Variants in PCDHGB4 observed in about 807,000 individuals in gnomAD.
PCDHGB4 encodes protocadherin gamma subfamily B, 4.
In PCDHGB4, 38 loss-of-function variants were observed where a neutral mutation model predicts 60.5. The observed-to-expected ratio is 0.63, with a 90% CI of 0.48 to 0.82. PCDHGB4 has a LOEUF of 0.82. PCDHGB4 is among the 40% of genes least tolerant of loss of function. The pLI is 0.00. For missense variants in PCDHGB4, 1,109 were observed against 1,209.6 expected, an observed-to-expected ratio of 0.92 and a Z score of 1.23; for synonymous variants, 456 against 509.7, an observed-to-expected ratio of 0.89 and a Z score of 1.42.
chr5:141,457,937 G>A (rs916509260), intron 1 of PCDHGB4, among the ~76,000 whole-genome samples: 1 of 152,166 alleles, frequency 6.6e-6, no homozygotes, highest in African/African-American at 2.4e-5. Flanking sequence ...GGCTTTTATT[G>A]GCTCTGCATG....
intron 1 of PCDHGB4, chr5:141,419,148 C>A: frequency 6.2e-7 from 1 of 1,613,940 alleles, no homozygotes; most frequent in Admixed American, 1.7e-5. Flanking sequence ...AGGGGCAAGC[C>A]TCCGTTATCC....
chr5:141,409,018 G>A (rs369210340), intron 1 of PCDHGB4: 31 of 1,613,814 alleles, frequency 1.9e-5, no homozygotes, highest in Non-Finnish European at 2.5e-5. Context: ...AGGATGAGGG[G>A]GTCAATGCTG....
In PCDHGB4 at chr5:141,485,629, C is replaced by G. The variant is rs1028146827; in HGVS notation, c.2398-9178C>G. The G allele has an allele frequency of 1.2e-6, 2 of 1,611,902 alleles. No individual in the cohort carries two copies. The highest frequency in any genetic ancestry group is 3.3e-5 in the Admixed American group (2 of 59,922). On this transcript the variant is annotated intron_variant, in intron 1 of 3. Coordinates refer to ENST00000519479, the MANE Select transcript of PCDHGB4 (RefSeq NM_003736.4). This position sits in a 1 kb window ranked among gnomAD's most constrained non-coding sequence, Gnocchi z 5.7. ...AGGCAGCTCCTCCAGGACAGCGTTTCCCGTTGGAAAAGGCTCAGGATGCAG... is the reference window on the plus strand; with the variant it reads ...AGGCAGCTCCTCCAGGACAGCGTTTGCCGTTGGAAAAGGCTCAGGATGCAG...
chr5:141,433,849 A>C (rs116534867), intron 1 of PCDHGB4, among the ~76,000 whole-genome samples: 2,948 of 152,020 alleles, frequency 0.019, 43 homozygotes, highest in African/African-American at 0.028. Context: ...AAAAAAAAAA[A>C]AAAAAACTTT....
At chr5:141,428,141 G>A (rs1314061143) in intron 1 of PCDHGB4, 1 of 1,596,618 alleles carries the variant, frequency 6.3e-7, no homozygotes, top group Non-Finnish European at 8.6e-7. Context: ...GCCTGGGGCT[G>A]CACACGGGAA....
rs373424450 is a variant in PCDHGB4, at chr5:141,450,829, AT to A, written c.2398-43965del. 1.1e-3 allele frequency among the ~76,000 whole-genome samples: 154 copies of A among 135,102 alleles called. 1 individual carries two copies. Among genetic ancestry groups the A allele is most frequent in the South Asian group, 8.9e-3 (38 of 4,254 alleles). 88.6% of individuals were successfully genotyped at this position (135,102 alleles called of 152,430 possible). ...TTATTTATTTAATATTATTATTATTATTTTTTTTTTTTTGAGATGGGGTCTT... is the reference window on the plus strand; with the variant it reads ...TTATTTATTTAATATTATTATTATTATTTTTTTTTTTTGAGATGGGGTCTT... On this transcript the variant is annotated intron_variant, in intron 1 of 3. Transcript: ENST00000519479.
chr5:141,473,004 AAAAG>A (rs1215989598), intron 1 of PCDHGB4, among the ~76,000 whole-genome samples: 5 of 151,730 alleles, frequency 3.3e-5, no homozygotes, highest in Non-Finnish European at 7.4e-5. Context: ...AAAAGAAAGA[AAAAG>A]AAAAAGAAAG....
chr5:141,431,189 G>A lies in PCDHGB4; in HGVS notation c.2397+40908G>A. 2 of 1,614,208 alleles carry A rather than the reference G, an allele frequency of 1.2e-6. No homozygotes were observed. The highest frequency in any genetic ancestry group is 1.7e-6 in the Non-Finnish European group (2 of 1,180,036). On this transcript the variant is annotated intron_variant, in intron 1 of 3. Transcript: ENST00000519479. This position sits in a 1 kb window ranked among gnomAD's most constrained non-coding sequence, Gnocchi z 4.8. ...AAGTGAATTAGAAATAAAAATTAGT[G>A]AAAATGCAGCCACTGAGATGCGGTT...
rs115607451 is a variant in PCDHGB4, at chr5:141,508,636, A to C, written c.2546-2311A>C. Among the ~76,000 whole-genome samples, 998 of 151,746 alleles carry C rather than the reference A, an allele frequency of 6.6e-3. 12 individuals are homozygous for C. The highest frequency in any genetic ancestry group is 0.023 in the African/African-American group (958 of 41,372). ...ACGTGGGTGGGCCGAGCTTCTAGCT[A>C]CTCCGTCAGGCCCTTCCTGTCATTC... On this transcript the variant is annotated intron_variant, in intron 3 of 3. Transcript: ENST00000519479.
At chr5:141,474,524 C>G (rs1260642402) in intron 1 of PCDHGB4, among the ~76,000 whole-genome samples, 1 of 152,170 alleles carries the variant, frequency 6.6e-6, no homozygotes, top group Non-Finnish European at 1.5e-5. Flanking sequence ...GCTGGTCTGG[C>G]TAATTATCAA....
At chr5:141,416,132 A>C in intron 1 of PCDHGB4, 1 of 154,082 alleles carries the variant, frequency 6.5e-6, no homozygotes, top group Non-Finnish European at 1.4e-5. Context: ...ATATTTTTCA[A>C]TCTATACTTT....
intron 1 of PCDHGB4, among the ~76,000 whole-genome samples, chr5:141,442,726 C>A (rs1160438073): frequency 2.6e-5 from 4 of 152,060 alleles, no homozygotes; most frequent in Non-Finnish European, 5.9e-5. Context: ...GCATTTGGGG[C>A]CTGTAGGTAA....
intron 1 of PCDHGB4, chr5:141,428,120 C>T (rs756805763): frequency 3.7e-6 from 6 of 1,606,528 alleles, no homozygotes; most frequent in East Asian, 4.5e-5. Flanking sequence ...CCATCGAGCC[C>T]GGGCTTTTCA....
In PCDHGB4 at chr5:141,422,632, G is replaced by T. The variant is rs199543811; in HGVS notation, c.2397+32351G>T. ...CTACATTCCCGAAAACAACCCCAGGGGTGCCTCCATCTTCTCAGTGACCGC... is the reference window on the plus strand; with the variant it reads ...CTACATTCCCGAAAACAACCCCAGGTGTGCCTCCATCTTCTCAGTGACCGC... On this transcript the variant is annotated intron_variant, in intron 1 of 3. Coordinates refer to ENST00000519479, the MANE Select transcript of PCDHGB4 (RefSeq NM_003736.4). 4,245 of 1,613,132 alleles carry T rather than the reference G, an allele frequency of 2.6e-3. 5 individuals carry two copies. The highest frequency in any genetic ancestry group is 3.2e-3 in the Admixed American group (193 of 59,948).
In PCDHGB4 at chr5:141,485,990, C is replaced by T. The variant is rs1285988124; in HGVS notation, c.2398-8817C>T. 2.5e-6 allele frequency: 4 copies of T among 1,614,168 alleles called. No homozygotes were observed. The stretch of plus-strand genomic sequence containing the variant: ...CAATGCCTCAGACCCGGACCTGGGT[C>T]CCAGTGGTAACGTCACCTTTTATTT... On this transcript the variant is annotated intron_variant, in intron 1 of 3. Coordinates refer to ENST00000519479, the MANE Select transcript of PCDHGB4 (RefSeq NM_003736.4). This position sits in a 1 kb window ranked among gnomAD's most constrained non-coding sequence, Gnocchi z 5.7.
intron 1 of PCDHGB4, chr5:141,433,149 C>A (rs758972664): frequency 1.2e-6 from 2 of 1,613,856 alleles, no homozygotes; most frequent in Non-Finnish European, 1.7e-6. Context: ...TCAGGTGATT[C>A]GGTATTTTCT....
intron 1 of PCDHGB4, among the ~76,000 whole-genome samples, chr5:141,442,680 A>C (rs2098335997): frequency 6.6e-6 from 1 of 152,270 alleles, no homozygotes; most frequent in Non-Finnish European, 1.5e-5. Flanking sequence ...CTTGAGGGAC[A>C]GTAGTCAGGC....
At position 141,494,833 on chromosome 5, in the gene PCDHGB4, T is replaced by C. The variant is rs537340090; in HGVS notation, c.2424T>C (p.Arg808=). 1 of 1,614,094 alleles carries C rather than the reference T, an allele frequency of 6.2e-7. No homozygotes were observed. The highest frequency in any genetic ancestry group is 1.7e-5 in the Admixed American group (1 of 60,014). Residue 808 remains arginine, a synonymous_variant, in exon 2 of 4, where the codon CGT becomes CGC. Coordinates refer to ENST00000519479, the MANE Select transcript of PCDHGB4 (RefSeq NM_003736.4). ...HQQAPPNTDW[R]FSQAQRPGTS... Reference sequence around the variant, plus strand: ...AAGCCCCGCCCAACACGGACTGGCGTTTCTCTCAGGCCCAGAGACCCGGCA... The same window carrying C: ...AAGCCCCGCCCAACACGGACTGGCGCTTCTCTCAGGCCCAGAGACCCGGCA...
intron 1 of PCDHGB4, among the ~76,000 whole-genome samples, chr5:141,455,130 A>G (rs1446894125): frequency 6.6e-6 from 1 of 150,872 alleles, no homozygotes; most frequent in South Asian, 2.1e-4. Flanking sequence ...GTTTTAAATT[A>G]CACTGTGTTA....
Sources: allele counts gnomAD v4.1 joint callset (sites outside exome capture counted in the v4.1 genomes callset), GRCh38; gene constraint gnomAD v4.1.1; non-coding constraint Gnocchi (gnomAD v3.1); transcripts MANE v1.5; gene names NCBI Gene and HGNC (gene_info 2026-07-23, HGNC 2026-07-21).